ZNF398: variants seen among roughly 807,000 people sequenced by gnomAD.
The protein encoded by ZNF398 is zinc finger DNA binding protein ZER6.
ZNF398 carries 18 observed loss-of-function variants against 41.9 expected under a neutral mutation model. That is an observed-to-expected ratio of 0.43 (90% confidence interval 0.30 to 0.64). The LOEUF is 0.64. Among genes scored for constraint, ZNF398 ranks in the 30% least tolerant of loss-of-function variants. ZNF398 has a pLI of 0.14. For synonymous variants in ZNF398, 260 were observed against 308.8 expected (o/e 0.84, Z 1.66); for missense variants, 669 against 822.8 (o/e 0.81, Z 2.29).
At chr7:149,167,917 T>C (rs1795258333) in intron 4 of ZNF398, among the ~76,000 whole-genome samples, 1 of 151,872 alleles carries the variant, frequency 6.6e-6, no homozygotes, top group Middle Eastern at 3.4e-3. Flanking sequence ...TTTATTTTTT[T>C]CTAACATTTT....
At chr7:149,146,117 TG>T (rs1231215224), upstream of ZNF398, among the ~76,000 whole-genome samples, 7 of 152,098 alleles carry the variant, frequency 4.6e-5, no homozygotes, top group Non-Finnish European at 7.4e-5. Flanking sequence ...GGCTAATTTT[TG>T]TATTTTTTAG....
At chr7:149,158,768 A>C (rs1310031464) in intron 2 of ZNF398, among the ~76,000 whole-genome samples, 3 of 149,570 alleles carry the variant, frequency 2.0e-5, no homozygotes, top group African/African-American at 7.4e-5. Flanking sequence ...CAGGAGGCAG[A>C]GGTTGCAGTG....
intron 2 of ZNF398, among the ~76,000 whole-genome samples, chr7:149,132,073 G>A (rs1415970166): frequency 9.9e-5 from 15 of 151,954 alleles, no homozygotes; most frequent in Admixed American, 7.9e-4. Flanking sequence ...TATAGAATAC[G>A]TTCCTAGAAA....
intron 4 of ZNF398, among the ~76,000 whole-genome samples, chr7:149,173,100 T>A (rs1405377748): frequency 9.1e-6 from 1 of 109,844 alleles, no homozygotes; most frequent in Non-Finnish European, 1.9e-5. Context: ...TCTATTTTTT[T>A]TTTTTTTTTT....
chr7:149,128,592 C>A (rs1464490510), intron 1 of ZNF398, among the ~76,000 whole-genome samples: 1 of 151,478 alleles, frequency 6.6e-6, no homozygotes, highest in African/African-American at 2.4e-5. Flanking sequence ...ACAGAAAATA[C>A]AAGATTTTGT....
intron 2 of ZNF398, among the ~76,000 whole-genome samples, chr7:149,159,978 A>G (rs1353440848): frequency 2.6e-5 from 4 of 152,022 alleles, no homozygotes; most frequent in Non-Finnish European, 5.9e-5. Context: ...CTTCTTCCTC[A>G]GCCTCCCAAA....
intron 2 of ZNF398, among the ~76,000 whole-genome samples, chr7:149,132,977 C>T (rs1200880342): frequency 6.6e-6 from 1 of 152,068 alleles, no homozygotes; most frequent in African/African-American, 2.4e-5. Context: ...CGATGACTTC[C>T]TTACCCTCAC....
In ZNF398 at chr7:149,147,551, C is replaced by T; in HGVS notation, c.-192C>T. The T allele has an allele frequency of 2.1e-6, 1 of 474,304 alleles. No homozygotes were observed. The highest frequency in any genetic ancestry group is 2.0e-5 in the African/African-American group (1 of 48,820). The allele number at this position is 474,304 out of a possible 1,614,324, so 29.4% of individuals were successfully genotyped here. A position where few individuals can be genotyped will look rare whatever the true frequency, so the allele number is the denominator to read the frequency against. On this transcript the variant is annotated 5_prime_UTR_variant, in exon 1 of 6. Transcript: ENST00000475153. This position sits in a 1 kb window ranked among gnomAD's most constrained non-coding sequence, Gnocchi z 5.6. ...CAGCTTGATCCGCCGCCTGCTGCAC[C>T]GCGCCTCCGCCGCGTTCCTGCGCGT... is the stretch of plus-strand genomic sequence containing the variant.
chr7:149,145,909 A>G (rs79464747), upstream of ZNF398, among the ~76,000 whole-genome samples: 2,840 of 147,432 alleles, frequency 0.019, 106 homozygotes, highest in African/African-American at 0.067. Flanking sequence ...TTAAAACACA[A>G]CCTCACCAGA....
At chr7:149,154,430 TC>T (rs1045136708) in intron 2 of ZNF398, 90 bp downstream of exon 2, 5 of 1,387,484 alleles carry the variant, frequency 3.6e-6, no homozygotes, top group Non-Finnish European at 4.8e-6. Flanking sequence ...ATTTTTTATT[TC>T]CTTTTAAAGT....
chr7:149,169,928 G>A (rs1795297456), intron 4 of ZNF398, among the ~76,000 whole-genome samples: 1 of 152,138 alleles, frequency 6.6e-6, no homozygotes, highest in Admixed American at 6.6e-5. Context: ...AGGTACCTGG[G>A]ACAAAGTCTG....
intron 2 of ZNF398, among the ~76,000 whole-genome samples, chr7:149,142,136 G>T (rs1346116511): frequency 6.6e-6 from 1 of 152,090 alleles, no homozygotes; most frequent in East Asian, 1.9e-4. Context: ...AGCTTGTAGA[G>T]ATAATTGCTA....
intron 1 of ZNF398, among the ~76,000 whole-genome samples, chr7:149,148,750 A>C (rs932248911): frequency 2.6e-4 from 39 of 151,810 alleles, no homozygotes; most frequent in African/African-American, 9.4e-4. Flanking sequence ...AGCTTGTCCA[A>C]CCCGCGGCCC....
chr7:149,139,608 C>A (rs1826781031), intron 2 of ZNF398, among the ~76,000 whole-genome samples: 1 of 151,970 alleles, frequency 6.6e-6, no homozygotes, highest in African/African-American at 2.4e-5. Flanking sequence ...GTAGTCCTAG[C>A]TACTTGGGAG....
At position 149,166,920 on chromosome 7, in the gene ZNF398, C is replaced by T. The variant is rs763875425; in HGVS notation, c.651C>T (p.Asp217=). The change falls in exon 4 of 6, where the codon GAC becomes GAT. Residue 217 remains aspartate, a synonymous_variant. Transcript: ENST00000475153. The part of the protein sequence containing the change: ...AGPEESEIPT[D]PSEEPGISTS... Reference sequence around the variant, plus strand: ...CAGAGGAAAGTGAGATTCCCACAGACCCCAGTGAAGGTAAGTGGGAGAAGA... The same window carrying T: ...CAGAGGAAAGTGAGATTCCCACAGATCCCAGTGAAGGTAAGTGGGAGAAGA... 51 of 1,609,136 alleles carry T rather than the reference C, an allele frequency of 3.2e-5. No homozygotes were observed. In the South Asian group the frequency reaches 5.0e-4, roughly 16 times the overall value.
chr7:149,179,480 G>A lies in ZNF398; in HGVS notation c.1608G>A (p.Glu536=). The change falls in exon 6 of 6, where the codon GAG becomes GAA. Residue 536 remains glutamate, a synonymous_variant. Transcript: ENST00000475153. The surrounding 1 kb of genome is among the most constrained non-coding windows in gnomAD (Gnocchi z 6.1). ...ACCACCGGCGGCTGCACACAGGCGA[G>A]CGGCCCTTCAGTTGTCCTCACTGTG... ...LLNHRRLHTG[E]RPFSCPHCGK... is the part of the protein sequence containing the mutation. 6.2e-7 allele frequency: 1 copy of A among 1,614,206 alleles called. No homozygotes were observed. Among genetic ancestry groups the A allele is most frequent in the Non-Finnish European group, 8.5e-7 (1 of 1,180,040 alleles).
upstream of ZNF398, among the ~76,000 whole-genome samples, chr7:149,146,173 A>G (rs1205806242): frequency 1.3e-5 from 2 of 151,010 alleles, no homozygotes; most frequent in South Asian, 2.1e-4. Context: ...TCTGGAACTC[A>G]GGTGATCTGC....
At chr7:149,149,423 G>A (rs1156959620) in intron 1 of ZNF398, among the ~76,000 whole-genome samples, 1 of 151,962 alleles carries the variant, frequency 6.6e-6, no homozygotes, top group Non-Finnish European at 1.5e-5. Context: ...AGTAGAGAGG[G>A]GGGTTTCACC....
At position 149,179,078 on chromosome 7, in the gene ZNF398, C is replaced by T. The variant is rs1181730413; in HGVS notation, c.1206C>T (p.His402=). 2 of 1,613,948 alleles carry T rather than the reference C, an allele frequency of 1.2e-6. No homozygotes were observed. Among genetic ancestry groups the T allele is most frequent in the Non-Finnish European group, 8.5e-7 (1 of 1,180,036 alleles). The stretch of plus-strand genomic sequence containing the variant: ...GCGAGACACCCCCCACCTGCCCACA[C>T]TGTGCCAGGACTTTTACTCACCCAT... The part of the protein sequence containing the change: ...HASETPPTCP[H]CARTFTHPSR... Residue 402 remains histidine, a synonymous_variant, in exon 6 of 6, where the codon CAC becomes CAT. Coordinates refer to ENST00000475153, the MANE Select transcript of ZNF398 (RefSeq NM_170686.3). The surrounding 1 kb of genome is among the most constrained non-coding windows in gnomAD (Gnocchi z 6.1).
Sources: gnomAD v4.1 joint callset for allele counts (sites outside exome capture counted in the v4.1 genomes callset) on GRCh38, gnomAD v4.1.1 for gene constraint, Gnocchi (gnomAD v3.1) non-coding constraint, MANE v1.5 for transcripts, NCBI Gene and HGNC (gene_info 2026-07-23, HGNC 2026-07-21) for gene names.